RYR2: variants seen among roughly 807,000 people sequenced by gnomAD.
The protein encoded by RYR2 is cardiac muscle ryanodine receptor-calcium release channel.
In RYR2, 227 loss-of-function variants were observed where a neutral mutation model predicts 601.1. The ratio of observed to expected loss-of-function variants is 0.38; its 90% CI spans 0.34 to 0.42. RYR2 has a LOEUF of 0.42. RYR2 is among the 10% of genes least tolerant of loss of function. The probability of loss-of-function intolerance (pLI) is 1.00; values close to 1 mark genes in which losing one functional copy is unlikely to be tolerated. For missense variants in RYR2, 4,646 were observed against 6,156.5 expected (o/e 0.75, Z 8.21); for synonymous variants, 2,223 against 2,175.1 (o/e 1.02, Z -0.61).
chr1:237,681,053 A>G (rs1452898658), intron 62 of RYR2, among the ~76,000 whole-genome samples: 2 of 152,218 alleles, frequency 1.3e-5, no homozygotes, highest in African/African-American at 4.8e-5. Context: ...TTCCCCTCTT[A>G]ACAATGCTTT....
chr1:237,809,500 CA>C (rs1558463992), intron 100 of RYR2, among the ~76,000 whole-genome samples: 1 of 152,028 alleles, frequency 6.6e-6, no homozygotes, highest in Admixed American at 6.6e-5. Context: ...TCTTGGTTTT[CA>C]AAAATCAACA....
At chr1:237,776,617 T>TTACTC (rs779479273) in intron 87 of RYR2, among the ~76,000 whole-genome samples, 70 of 151,918 alleles carry the variant, frequency 4.6e-4, no homozygotes, top group South Asian at 2.1e-4. Context: ...TAGGCTTTTT[T>TTACTC]TACTCTCCCC....
At chr1:237,043,133 G>C (rs1182417696) in intron 1 of RYR2, among the ~76,000 whole-genome samples, 1 of 152,226 alleles carries the variant, frequency 6.6e-6, no homozygotes, top group Non-Finnish European at 1.5e-5. Flanking sequence ...GGGGGTGATG[G>C]TGCAGGACGC....
intron 2 of RYR2, among the ~76,000 whole-genome samples, chr1:237,325,224 G>T (rs536892679): frequency 6.6e-6 from 1 of 152,308 alleles, no homozygotes; most frequent in East Asian, 1.9e-4. Flanking sequence ...CAATGAAGTA[G>T]AAATATCTTT....
At chr1:237,823,123 A>G (rs902707315) in intron 101 of RYR2, among the ~76,000 whole-genome samples, 1 of 152,174 alleles carries the variant, frequency 6.6e-6, no homozygotes, top group African/African-American at 2.4e-5. Context: ...AGACAGATCA[A>G]TGAGAGAAAA....
At chr1:237,495,767 C>T (rs1383235451) in intron 19 of RYR2, among the ~76,000 whole-genome samples, 1 of 152,170 alleles carries the variant, frequency 6.6e-6, no homozygotes, top group African/African-American at 2.4e-5. Flanking sequence ...CCTACCTCAG[C>T]CCCATGCCCC....
At chr1:237,175,722 A>G (rs1677958182) in intron 1 of RYR2, among the ~76,000 whole-genome samples, 1 of 152,154 alleles carries the variant, frequency 6.6e-6, no homozygotes, top group African/African-American at 2.4e-5. Flanking sequence ...GCTAACCAAG[A>G]CAGTCCCAGC....
At chr1:237,642,570 G>A (rs1473614665) in intron 47 of RYR2, among the ~76,000 whole-genome samples, 1 of 152,058 alleles carries the variant, frequency 6.6e-6, no homozygotes, top group Non-Finnish European at 1.5e-5. Context: ...GAAGGAATAG[G>A]GGACCAACCT....
chr1:237,705,013 A>G (rs991331584), intron 66 of RYR2, among the ~76,000 whole-genome samples, 200 bp from the exon 67 acceptor site: 6 of 152,200 alleles, frequency 3.9e-5, no homozygotes, highest in African/African-American at 1.4e-4. Flanking sequence ...TTGCTAACAG[A>G]TAATTTAGCT....
At chr1:237,443,527 T>C (rs900997338) in intron 13 of RYR2, among the ~76,000 whole-genome samples, 1 of 152,146 alleles carries the variant, frequency 6.6e-6, no homozygotes, top group African/African-American at 2.4e-5. Flanking sequence ...TATTAAAGAG[T>C]TCTTAAATTC....
intron 34 of RYR2, among the ~76,000 whole-genome samples, chr1:237,597,922 T>C (rs1676064670): frequency 6.6e-6 from 1 of 152,218 alleles, no homozygotes; most frequent in African/African-American, 2.4e-5. Flanking sequence ...AACTATATGC[T>C]GCCCACTAGA....
intron 15 of RYR2, among the ~76,000 whole-genome samples, chr1:237,455,831 C>T (rs1223392861): frequency 6.6e-6 from 1 of 152,202 alleles, no homozygotes; most frequent in South Asian, 2.1e-4. Context: ...GGAGCTTTCA[C>T]ATATGCCAAA....
chr1:237,277,296 A>G (rs1468569389), intron 2 of RYR2, among the ~76,000 whole-genome samples: 4 of 152,222 alleles, frequency 2.6e-5, no homozygotes, highest in African/African-American at 9.6e-5. Context: ...GTTCAAAATC[A>G]GCACTTTCTT....
intron 10 of RYR2, among the ~76,000 whole-genome samples, chr1:237,413,240 A>G (rs1017841627): frequency 1.3e-5 from 2 of 152,070 alleles, no homozygotes; most frequent in Admixed American, 6.6e-5. Context: ...GATTCTCTAT[A>G]CCTGCCAATG....
intron 3 of RYR2, among the ~76,000 whole-genome samples, chr1:237,353,525 A>G (rs1699045766): frequency 6.6e-6 from 1 of 151,646 alleles, no homozygotes; most frequent in Non-Finnish European, 1.5e-5. Flanking sequence ...AAAAAAAAAA[A>G]AAAAAAGAAT....
chr1:237,520,776 C>T (rs1667007976), intron 24 of RYR2, among the ~76,000 whole-genome samples: 2 of 152,158 alleles, frequency 1.3e-5, no homozygotes, highest in Non-Finnish European at 2.9e-5. Flanking sequence ...TGGCTCATGC[C>T]TGTAATCCCA....
intron 1 of RYR2, among the ~76,000 whole-genome samples, chr1:237,098,725 G>T (rs1402344115): frequency 6.6e-6 from 1 of 152,118 alleles, no homozygotes; most frequent in African/African-American, 2.4e-5. Flanking sequence ...ATCTAAAAAA[G>T]TCAAACTCAT....
chr1:237,472,787 C>A (rs909448898), intron 17 of RYR2, among the ~76,000 whole-genome samples: 3 of 151,940 alleles, frequency 2.0e-5, no homozygotes, highest in African/African-American at 7.3e-5. Context: ...CACGCATAGG[C>A]TGTAGAAATA....
intron 84 of RYR2, among the ~76,000 whole-genome samples, chr1:237,761,701 G>T (rs952502309): frequency 2.0e-5 from 3 of 152,126 alleles, no homozygotes; most frequent in Admixed American, 1.3e-4. Flanking sequence ...TTTCATTTTA[G>T]CAGTATTTAT....
Sources: gnomAD v4.1 joint callset for allele counts (sites outside exome capture counted in the v4.1 genomes callset) on GRCh38, gnomAD v4.1.1 for gene constraint, MANE v1.5 for transcripts, NCBI Gene and HGNC (gene_info 2026-07-23, HGNC 2026-07-21) for gene names.